CALN1: variants seen among roughly 807,000 people sequenced by gnomAD.
CALN1 encodes calcium-binding protein 8.
CALN1 carries 17 observed loss-of-function variants against 30.6 expected under a neutral mutation model. The observed-to-expected ratio is 0.56, with a 90% CI of 0.38 to 0.83. The LOEUF (loss-of-function observed/expected upper bound fraction) is 0.83, where lower values mean the gene tolerates loss of function less well. Ranked by LOEUF, CALN1 falls within the 40% of genes least tolerant of loss-of-function variation. The pLI is 0.00. For missense variants in CALN1, 291 were observed against 354.9 expected (o/e 0.82, Z 1.45); for synonymous variants, 156 against 131.4 (o/e 1.19, Z -1.28).
intron 4 of CALN1, among the ~76,000 whole-genome samples, chr7:72,025,476 T>G (rs1800996386): frequency 6.6e-6 from 1 of 152,242 alleles, no homozygotes; most frequent in Non-Finnish European, 1.5e-5. Flanking sequence ...CAGTATGTAC[T>G]TGTACAATGA....
chr7:72,196,914 GGCTTT>G (rs761001094), intron 3 of CALN1, among the ~76,000 whole-genome samples: 4 of 152,016 alleles, frequency 2.6e-5, no homozygotes, highest in Non-Finnish European at 5.9e-5. Flanking sequence ...TCTTGACCTT[GGCTTT>G]GCTTATGAAC....
chr7:71,861,108 A>G (rs568033442), intron 5 of CALN1, among the ~76,000 whole-genome samples: 1 of 152,298 alleles, frequency 6.6e-6, no homozygotes, highest in Non-Finnish European at 1.5e-5. Context: ...GCATGGAGAC[A>G]TGCATGCTTA....
chr7:71,819,873 A>G (rs1788493966), intron 5 of CALN1, among the ~76,000 whole-genome samples: 1 of 152,194 alleles, frequency 6.6e-6, no homozygotes, highest in South Asian at 2.1e-4. Context: ...AACCCAAAAT[A>G]GAATTCTAAG....
At chr7:72,494,333 G>C in the CALN1 span, among the ~76,000 whole-genome samples, 22,875 of 152,206 alleles carry the variant, frequency 0.15, 1,882 homozygotes, top group African/African-American at 0.19. Context: ...AGTCAGAAAT[G>C]GCACCAAAGG....
At chr7:72,326,638 A>G (rs1050682588) in intron 2 of CALN1, among the ~76,000 whole-genome samples, 28 of 152,364 alleles carry the variant, frequency 1.8e-4, no homozygotes, top group Middle Eastern at 3.4e-3. Flanking sequence ...TTTACACAGT[A>G]ATTAGGCCTG....
chr7:71,904,669 T>TA (rs1033768513), intron 5 of CALN1, among the ~76,000 whole-genome samples: 10 of 152,116 alleles, frequency 6.6e-5, no homozygotes, highest in African/African-American at 2.4e-4. Flanking sequence ...GATAGTATTC[T>TA]AAAAAAATGC....
intron 2 of CALN1, among the ~76,000 whole-genome samples, chr7:72,292,100 C>A (rs1338515148): frequency 6.6e-6 from 1 of 152,096 alleles, no homozygotes; most frequent in South Asian, 2.1e-4. Context: ...AGAATAATTG[C>A]AGTTATTGCC....
At chr7:72,197,549 G>C (rs1184358798) in intron 3 of CALN1, among the ~76,000 whole-genome samples, 2 of 152,136 alleles carry the variant, frequency 1.3e-5, no homozygotes, top group Admixed American at 6.6e-5. Context: ...AATGTGGCCT[G>C]GCTGGACATA....
At chr7:72,390,206 G>A (rs1211517616) in intron 2 of CALN1, among the ~76,000 whole-genome samples, 2 of 151,986 alleles carry the variant, frequency 1.3e-5, no homozygotes, top group Non-Finnish European at 2.9e-5. Flanking sequence ...CGAGGCGGGT[G>A]AATCATGAGG....
At chr7:72,352,067 T>C (rs1802949693) in intron 2 of CALN1, among the ~76,000 whole-genome samples, 1 of 151,994 alleles carries the variant, frequency 6.6e-6, no homozygotes, top group Non-Finnish European at 1.5e-5. Flanking sequence ...TCACTTGAGG[T>C]CAGGCAGGAG....
chr7:71,908,981 TA>T (rs1389848907), intron 5 of CALN1, among the ~76,000 whole-genome samples: 22 of 152,222 alleles, frequency 1.4e-4, no homozygotes, highest in African/African-American at 5.3e-4. Context: ...TCTGGAAATA[TA>T]ACCTTAATGA....
intron 4 of CALN1, among the ~76,000 whole-genome samples, chr7:72,081,163 T>C (rs1246414340): frequency 6.6e-6 from 1 of 152,100 alleles, no homozygotes; most frequent in East Asian, 1.9e-4. Context: ...GATTTTGCTA[T>C]GGAAAAAACC....
intron 2 of CALN1, among the ~76,000 whole-genome samples, chr7:72,348,124 GAAAAA>G (rs1193102340): frequency 3.3e-5 from 5 of 151,632 alleles, no homozygotes; most frequent in Non-Finnish European, 5.9e-5. Context: ...CTGTCTCAAA[GAAAAA>G]AAAGAAACTA....
chr7:72,228,892 G>C (rs1793880721), intron 3 of CALN1, among the ~76,000 whole-genome samples: 1 of 150,704 alleles, frequency 6.6e-6, no homozygotes, highest in African/African-American at 2.4e-5. Flanking sequence ...CTCCTGAGTA[G>C]CTGGGACTAC....
chr7:72,056,471 CAGGTAAAGAACTTGAA>C (rs1268919884), intron 4 of CALN1, among the ~76,000 whole-genome samples: 5 of 151,984 alleles, frequency 3.3e-5, no homozygotes, highest in Admixed American at 3.3e-4. Context: ...GCTGAAAAGA[CAGGTAAAGAACTTGAA>C]AGGAAAAATC....
chr7:72,073,824 GCTGGGACTAC>G (rs1372212109), intron 4 of CALN1, among the ~76,000 whole-genome samples: 3 of 152,128 alleles, frequency 2.0e-5, no homozygotes, highest in Non-Finnish European at 4.4e-5. Flanking sequence ...CTCCTGAGTA[GCTGGGACTAC>G]CTGTGTATGC....
chr7:72,262,726 T>TAC, intron 3 of CALN1, among the ~76,000 whole-genome samples: 1 of 152,336 alleles, frequency 6.6e-6, no homozygotes, highest in South Asian at 2.1e-4. Context: ...GTATATGTAC[T>TAC]ACGTTTTCTT....
At chr7:72,329,491 C>T (rs1188911488) in intron 2 of CALN1, among the ~76,000 whole-genome samples, 2 of 152,222 alleles carry the variant, frequency 1.3e-5, no homozygotes, top group Non-Finnish European at 2.9e-5. Flanking sequence ...TCTCTGAACT[C>T]ATCTCCTGCC....
At position 72,402,873 on chromosome 7, in the gene CALN1, G is replaced by A. The variant is rs116527905; in HGVS notation, c.119+378C>T. Among the ~76,000 whole-genome samples, 655 of 152,248 alleles carry A rather than the reference G, an allele frequency of 4.3e-3. 2 individuals carry two copies. Among genetic ancestry groups the A allele is most frequent in the African/African-American group, 0.015 (632 of 41,540 alleles). ...TGTGTTACTTTCCTCCTGTCGAAAC[G>A]AGATTAACAATACCCTCATAAAATT... On this transcript the variant is annotated intron_variant, in intron 2 of 6. Transcript: ENST00000395275.
Sources: gnomAD v4.1 joint callset for allele counts (sites outside exome capture counted in the v4.1 genomes callset) on GRCh38, gnomAD v4.1.1 for gene constraint, MANE v1.5 for transcripts, NCBI Gene and HGNC (gene_info 2026-07-23, HGNC 2026-07-21) for gene names.